Variants in FNDC3B observed in about 807,000 individuals in gnomAD.
FNDC3B encodes the protein fibronectin type III domain containing 3B.
FNDC3B carries 12 observed loss-of-function variants against 151.5 expected under a neutral mutation model. The observed-to-expected ratio is 0.08, with a 90% CI of 0.05 to 0.13. FNDC3B has a LOEUF of 0.13. FNDC3B is among the 10% of genes least tolerant of loss of function. FNDC3B has a pLI of 1.00. For synonymous variants in FNDC3B, 528 were observed against 549.0 expected (o/e 0.96, Z 0.54); for missense variants, 1,214 against 1,505.3 (o/e 0.81, Z 3.20).
At chr3:172,226,771 G>C (rs1423524202) in intron 3 of FNDC3B, 100 bp from the exon 4 acceptor site, 1 of 767,034 alleles carries the variant, frequency 1.3e-6, no homozygotes, top group African/African-American at 1.7e-5. Context: ...AATTGTCAAA[G>C]TCATTAATTA....
intron 6 of FNDC3B, among the ~76,000 whole-genome samples, chr3:172,281,214 TATA>T (rs1553782443): frequency 2.1e-5 from 2 of 95,502 alleles, no homozygotes; most frequent in Admixed American, 2.2e-4. Context: ...TATTATTATT[TATA>T]TTTATTTATT....
chr3:172,109,990 CT>C (rs2108536479), intron 1 of FNDC3B, among the ~76,000 whole-genome samples: 1 of 152,320 alleles, frequency 6.6e-6, no homozygotes, highest in Admixed American at 6.5e-5. Flanking sequence ...GGGGATCCAT[CT>C]ACCTTATCCC....
chr3:172,374,190 C>A (rs547143091), intron 23 of FNDC3B, among the ~76,000 whole-genome samples: 14 of 152,272 alleles, frequency 9.2e-5, no homozygotes, highest in Admixed American at 2.6e-4. Flanking sequence ...AACATGGCAG[C>A]CTGCTCTGCA....
intron 8 of FNDC3B, among the ~76,000 whole-genome samples, chr3:172,297,460 A>G (rs1018262124): frequency 6.6e-6 from 1 of 151,654 alleles, no homozygotes; most frequent in African/African-American, 2.4e-5. Flanking sequence ...TCTGTCCTCA[A>G]TCCACATTTT....
chr3:172,380,828 TG>T, intron 24 of FNDC3B, 137 bp from the exon 25 acceptor site: 2 of 898,180 alleles, frequency 2.2e-6, no homozygotes, highest in South Asian at 1.6e-5. Flanking sequence ...TATGAGAGGC[TG>T]GGCAAATCAG....
chr3:172,058,242 A>G (rs996526699), intron 1 of FNDC3B, among the ~76,000 whole-genome samples: 2 of 152,226 alleles, frequency 1.3e-5, no homozygotes, highest in East Asian at 1.9e-4. Context: ...AGCAACATTC[A>G]TGTTGAAGAA....
intron 2 of FNDC3B, among the ~76,000 whole-genome samples, chr3:172,127,654 A>T (rs540732972): frequency 3.9e-5 from 6 of 152,146 alleles, no homozygotes; most frequent in Non-Finnish European, 7.4e-5. Context: ...GCTTTTTTTT[A>T]AACAAAGAAC....
intron 1 of FNDC3B, among the ~76,000 whole-genome samples, chr3:172,089,133 AG>A (rs892581877): frequency 4.6e-5 from 7 of 152,240 alleles, no homozygotes; most frequent in African/African-American, 1.7e-4. Flanking sequence ...TAATACCCAT[AG>A]GACAAAGTAA....
At chr3:172,271,850 A>G (rs1209686890) in intron 6 of FNDC3B, among the ~76,000 whole-genome samples, 1 of 152,218 alleles carries the variant, frequency 6.6e-6, no homozygotes, top group Non-Finnish European at 1.5e-5. Flanking sequence ...CGGGTAGTAC[A>G]CTGACAATTT....
chr3:172,386,702 C>T (rs1459269916), intron 25 of FNDC3B, among the ~76,000 whole-genome samples: 1 of 142,336 alleles, frequency 7.0e-6, no homozygotes, highest in Non-Finnish European at 1.5e-5. Context: ...GATCGTGCCA[C>T]TGCACTCCAG....
intron 23 of FNDC3B, among the ~76,000 whole-genome samples, chr3:172,363,569 G>A (rs12152414): frequency 0.023 from 3,512 of 152,290 alleles, 56 homozygotes; most frequent in Middle Eastern, 0.058. Context: ...GGGAATGGGA[G>A]ATCACCATAA....
intron 1 of FNDC3B, among the ~76,000 whole-genome samples, chr3:172,078,388 A>G (rs1350977581): frequency 6.6e-6 from 1 of 152,156 alleles, no homozygotes; most frequent in Non-Finnish European, 1.5e-5. Context: ...CCTTCCCTCA[A>G]TTTGAAATAT....
intron 3 of FNDC3B, among the ~76,000 whole-genome samples, chr3:172,171,384 C>T (rs1723273670): frequency 1.3e-5 from 2 of 151,946 alleles, no homozygotes; most frequent in African/African-American, 2.4e-5. Flanking sequence ...TCATTTTTTC[C>T]TTGTTGTAGA....
At chr3:172,171,053 C>T (rs1053375745) in intron 3 of FNDC3B, among the ~76,000 whole-genome samples, 1 of 152,192 alleles carries the variant, frequency 6.6e-6, no homozygotes, top group African/African-American at 2.4e-5. Context: ...CAAAGGCCTT[C>T]TGTGCAGGGT....
chr3:172,180,677 G>A (rs190871177), intron 3 of FNDC3B, among the ~76,000 whole-genome samples: 3 of 152,308 alleles, frequency 2.0e-5, no homozygotes, highest in African/African-American at 2.4e-5. Context: ...GGTTTGATCC[G>A]GAGTGTGGAA....
At chr3:172,086,292 A>G (rs1718543999) in intron 1 of FNDC3B, among the ~76,000 whole-genome samples, 1 of 152,038 alleles carries the variant, frequency 6.6e-6, no homozygotes, top group Non-Finnish European at 1.5e-5. Context: ...CTCAGGAGGT[A>G]GAGGCTGTAG....
chr3:172,177,624 A>ATTTT (rs1211143726), intron 3 of FNDC3B, among the ~76,000 whole-genome samples: 4 of 55,692 alleles, frequency 7.2e-5, no homozygotes, highest in African/African-American at 3.1e-4. Context: ...TTTTACCACC[A>ATTTT]TCTTTTTTTT....
intron 3 of FNDC3B, among the ~76,000 whole-genome samples, chr3:172,224,022 C>T (rs758439610): frequency 2.0e-5 from 3 of 152,222 alleles, no homozygotes; most frequent in Admixed American, 6.5e-5. Flanking sequence ...TTCAAGGTCA[C>T]GCAACCAGTG....
Position 172,162,224 on chromosome 3 carries a change from C to G in FNDC3B, c.187+28678C>G, listed in dbSNP as rs147315689. On this transcript the variant is annotated intron_variant, in intron 3 of 25. Transcript: ENST00000415807. The stretch of plus-strand genomic sequence containing the variant: ...AAATTCCTGACCTCAGGTGATCCAC[C>G]CACTTCGGCTTCCCAAAGTGTTGGG... Among the ~76,000 whole-genome samples the G allele has an allele frequency of 3.5e-3, 530 of 152,254 alleles. 1 individual carries two copies. Among genetic ancestry groups the G allele is most frequent in the African/African-American group, 0.012 (496 of 41,542 alleles).
Sources: gnomAD v4.1 joint callset for allele counts (sites outside exome capture counted in the v4.1 genomes callset) on GRCh38, gnomAD v4.1.1 for gene constraint, MANE v1.5 for transcripts, NCBI Gene and HGNC (gene_info 2026-07-23, HGNC 2026-07-21) for gene names.